SDK1: variants seen among roughly 807,000 people sequenced by gnomAD.
The protein encoded by SDK1 is sidekick cell adhesion molecule 1.
In SDK1, 157 loss-of-function variants were observed where a neutral mutation model predicts 245.5. The observed-to-expected ratio is 0.64, with a 90% confidence interval of 0.56 to 0.73. SDK1 has a LOEUF of 0.73. SDK1 is among the 30% of genes least tolerant of loss of function. The pLI is 0.00. For missense variants in SDK1, 3,583 were observed against 3,002.3 expected, an observed-to-expected ratio of 1.19 and a Z score of -4.52; for synonymous variants, 1,647 against 1,278.5, an observed-to-expected ratio of 1.29 and a Z score of -6.15.
chr7:3,819,988 G>A (rs1052677233), intron 4 of SDK1, among the ~76,000 whole-genome samples: 15 of 152,134 alleles, frequency 9.9e-5, no homozygotes, highest in African/African-American at 3.6e-4. Flanking sequence ...TCCCTATAGA[G>A]TACCACAATT....
intron 35 of SDK1, among the ~76,000 whole-genome samples, chr7:4,194,810 G>A (rs887210633): frequency 6.6e-6 from 1 of 152,144 alleles, no homozygotes; most frequent in African/African-American, 2.4e-5. Context: ...CACCCTCACA[G>A]ACACGCCCAG....
chr7:3,379,566 A>G (rs571046861), intron 1 of SDK1, among the ~76,000 whole-genome samples: 31 of 152,110 alleles, frequency 2.0e-4, no homozygotes, highest in Non-Finnish European at 3.8e-4. Flanking sequence ...GACATTTACT[A>G]TTGCTGTGGT....
At chr7:4,104,790 C>T (rs1160796404) in intron 22 of SDK1, among the ~76,000 whole-genome samples, 1 of 151,932 alleles carries the variant, frequency 6.6e-6, no homozygotes, top group Admixed American at 6.6e-5. Flanking sequence ...GCAGCCTTGA[C>T]ATCCTGGGCG....
chr7:3,714,807 A>G (rs1785153760), intron 4 of SDK1, among the ~76,000 whole-genome samples: 1 of 152,180 alleles, frequency 6.6e-6, no homozygotes, highest in African/African-American at 2.4e-5. Context: ...TTGTGCCAGA[A>G]TGAGTCATTT....
intron 1 of SDK1, among the ~76,000 whole-genome samples, chr7:3,502,074 T>C (rs933032427): frequency 1.3e-5 from 2 of 152,070 alleles, no homozygotes; most frequent in Non-Finnish European, 2.9e-5. Context: ...ATTAAAAATA[T>C]TAATATTATT....
intron 4 of SDK1, among the ~76,000 whole-genome samples, chr7:3,806,916 T>C (rs1779264133): frequency 6.6e-6 from 1 of 152,202 alleles, no homozygotes; most frequent in Non-Finnish European, 1.5e-5. Flanking sequence ...GCTTCCTGCC[T>C]GTATCTTACG....
intron 4 of SDK1, among the ~76,000 whole-genome samples, chr7:3,755,449 G>T (rs908990243): frequency 1.3e-5 from 2 of 152,130 alleles, no homozygotes; most frequent in South Asian, 4.2e-4. Flanking sequence ...CCGCCTCACT[G>T]GATACTGAGA....
chr7:3,545,115 A>T (rs1176147582), intron 1 of SDK1, among the ~76,000 whole-genome samples: 2 of 152,176 alleles, frequency 1.3e-5, no homozygotes, highest in South Asian at 4.1e-4. Context: ...CACATGTTAC[A>T]GAGGGCTGCT....
intron 4 of SDK1, among the ~76,000 whole-genome samples, chr7:3,660,344 C>G (rs1447017433): frequency 6.6e-6 from 1 of 151,784 alleles, no homozygotes; most frequent in African/African-American, 2.4e-5. Context: ...ACATAAGCAG[C>G]TTGAGAAAAG....
intron 4 of SDK1, among the ~76,000 whole-genome samples, chr7:3,670,128 C>T (rs115375137): frequency 4.6e-5 from 7 of 152,160 alleles, no homozygotes; most frequent in African/African-American, 1.7e-4. Flanking sequence ...TACCTTGTTT[C>T]CCTATGTTTA....
intron 28 of SDK1, among the ~76,000 whole-genome samples, chr7:4,132,903 A>G (rs1038051655): frequency 6.6e-5 from 10 of 152,178 alleles, no homozygotes; most frequent in African/African-American, 2.2e-4. Flanking sequence ...TGAGCTACGT[A>G]CTAAAGGTTT....
rs1562634396 is a variant in SDK1, at chr7:3,655,491, A to ATG, written c.713+13387_713+13388insGT. 2.0e-4 allele frequency among the ~76,000 whole-genome samples: 13 copies of ATG among 65,874 alleles called. 1 individual carries two copies. The highest frequency in any genetic ancestry group is 5.1e-4 in the African/African-American group (13 of 25,340). 43.2% of individuals were successfully genotyped at this position (65,874 alleles called of 152,430 possible). On this transcript the variant is annotated intron_variant, in intron 4 of 44. Transcript: ENST00000404826. ...TATATATATATATATATATATATAT[A>ATG]TATATATATATATGTATGTATGTAT...
intron 5 of SDK1, among the ~76,000 whole-genome samples, chr7:3,862,860 T>A (rs142448849): frequency 2.0e-5 from 3 of 152,314 alleles, no homozygotes; most frequent in African/African-American, 4.8e-5. Flanking sequence ...TGTTCAGGCA[T>A]TAGATTCTCA....
Position 4,084,546 on chromosome 7 carries a change from C to T in SDK1, c.3324+4962C>T, listed in dbSNP as rs114058766. Reference sequence around the variant, plus strand: ...ACCTGAGCACCAAGGTGGATCTCCTCGCTCCCAGCTGGTCCCTGCTTCGAC... The same window carrying T: ...ACCTGAGCACCAAGGTGGATCTCCTTGCTCCCAGCTGGTCCCTGCTTCGAC... On this transcript the variant is annotated intron_variant, in intron 22 of 44. Transcript: ENST00000404826. Among the ~76,000 whole-genome samples the T allele has an allele frequency of 5.2e-3, 799 of 152,262 alleles. 3 individuals are homozygous for T. The highest frequency in any genetic ancestry group is 0.018 in the African/African-American group (759 of 41,532).
rs77405392 is a variant in SDK1, at chr7:4,040,567, G to A, written c.2603-8781G>A. Among the ~76,000 whole-genome samples, 555 of 152,238 alleles carry A rather than the reference G, an allele frequency of 3.6e-3. 6 individuals carry two copies. In the South Asian group the frequency reaches 0.039, roughly 11 times the overall value. On this transcript the variant is annotated intron_variant, in intron 17 of 44. Transcript: ENST00000404826. ...CTCTCCTGCAGAGGGGTCCGGAGTG[G>A]GTTTTTCCAGTCCGCCACAAAATGC...
intron 4 of SDK1, among the ~76,000 whole-genome samples, chr7:3,741,149 C>G (rs1779464043): frequency 6.6e-6 from 1 of 152,202 alleles, no homozygotes; most frequent in Non-Finnish European, 1.5e-5. Context: ...AGTGGATGTG[C>G]TGAGCACTCT....
chr7:3,969,469 T>C, intron 11 of SDK1, 45 bp downstream of exon 11: 2 of 1,448,406 alleles, frequency 1.4e-6, no homozygotes, highest in Non-Finnish European at 1.9e-6. Context: ...AGCCACGGTT[T>C]AATCATCACG....
chr7:3,559,945 C>G (rs149468587), intron 1 of SDK1, among the ~76,000 whole-genome samples: 10 of 152,246 alleles, frequency 6.6e-5, no homozygotes, highest in African/African-American at 2.2e-4. Context: ...TTAAAAAGTA[C>G]TCAGCACCTC....
intron 1 of SDK1, among the ~76,000 whole-genome samples, chr7:3,568,696 T>C (rs1230191313): frequency 6.6e-6 from 1 of 152,194 alleles, no homozygotes; most frequent in South Asian, 2.1e-4. Flanking sequence ...TATGACTCTT[T>C]CTGTGGTGAC....
Sources: gnomAD v4.1 joint callset for allele counts (sites outside exome capture counted in the v4.1 genomes callset) on GRCh38, gnomAD v4.1.1 for gene constraint, MANE v1.5 for transcripts, NCBI Gene and HGNC (gene_info 2026-07-23, HGNC 2026-07-21) for gene names.